SCHIP1: variants seen among roughly 807,000 people sequenced by gnomAD.
The protein encoded by SCHIP1 is schwannomin-interacting protein 1.
SCHIP1 carries 8 observed loss-of-function variants against 29.7 expected under a neutral mutation model. That is an observed-to-expected ratio of 0.27 (90% CI 0.16 to 0.49). The LOEUF (loss-of-function observed/expected upper bound fraction) is 0.49. SCHIP1 is among the 20% of genes least tolerant of loss of function. The pLI is 0.99. For synonymous variants in SCHIP1, 76 were observed against 94.9 expected, an observed-to-expected ratio of 0.80 and a Z score of 1.16; for missense variants, 193 against 294.6, an observed-to-expected ratio of 0.66 and a Z score of 2.52.
chr3:159,819,432 G>T, the SCHIP1 span, among the ~76,000 whole-genome samples: 1 of 152,102 alleles, frequency 6.6e-6, no homozygotes, highest in Non-Finnish European at 1.5e-5. Flanking sequence ...AGAATTTAGG[G>T]ACGTATTTTA....
the SCHIP1 span, among the ~76,000 whole-genome samples, chr3:159,484,544 C>A: frequency 2.0e-5 from 3 of 152,096 alleles, no homozygotes; most frequent in Admixed American, 2.0e-4. Context: ...CATTATGTGG[C>A]AGGAGAGGAC....
chr3:159,497,623 T>G, the SCHIP1 span, among the ~76,000 whole-genome samples: 1 of 149,794 alleles, frequency 6.7e-6, no homozygotes, highest in Non-Finnish European at 1.5e-5. Flanking sequence ...AGAAGATGAA[T>G]AAGAAGAACA....
chr3:159,423,648 G>A, the SCHIP1 span, among the ~76,000 whole-genome samples: 42 of 135,010 alleles, frequency 3.1e-4, no homozygotes, highest in Middle Eastern at 8.1e-3. Flanking sequence ...CAAACAAAAA[G>A]ACAGCAGTAA....
the SCHIP1 span, among the ~76,000 whole-genome samples, chr3:159,554,480 G>T: frequency 5.3e-5 from 8 of 152,102 alleles, no homozygotes; most frequent in Non-Finnish European, 1.2e-4. Flanking sequence ...TATTAACAAG[G>T]CTCCTTTGCC....
chr3:159,748,550 C>T, the SCHIP1 span, among the ~76,000 whole-genome samples: 1 of 152,224 alleles, frequency 6.6e-6, no homozygotes, highest in Admixed American at 6.5e-5. Context: ...CATGCCAACC[C>T]CTGCCACCCT....
the SCHIP1 span, among the ~76,000 whole-genome samples, chr3:159,802,960 A>G: frequency 6.6e-6 from 1 of 152,136 alleles, no homozygotes; most frequent in Admixed American, 6.5e-5. Flanking sequence ...AAGACCTGCT[A>G]TTGTGTTGTA....
chr3:159,709,455 A>G, the SCHIP1 span, among the ~76,000 whole-genome samples: 1 of 152,328 alleles, frequency 6.6e-6, no homozygotes, highest in Middle Eastern at 3.4e-3. Context: ...AAAAAAGGAA[A>G]AAAAGGTTAG....
the SCHIP1 span, among the ~76,000 whole-genome samples, chr3:159,299,930 G>T: frequency 6.6e-6 from 1 of 152,120 alleles, no homozygotes; most frequent in Admixed American, 6.6e-5. Context: ...AAATTGTCCT[G>T]TCTGGCTATG....
At chr3:159,299,930 G>C in the SCHIP1 span, among the ~76,000 whole-genome samples, 1,210 of 152,118 alleles carry the variant, frequency 8.0e-3, 12 homozygotes, top group African/African-American at 0.027. Context: ...AAATTGTCCT[G>C]TCTGGCTATG....
chr3:159,504,662 C>T, the SCHIP1 span, among the ~76,000 whole-genome samples: 913 of 152,042 alleles, frequency 6.0e-3, 9 homozygotes, highest in African/African-American at 0.021. Context: ...TTTTTTGTAC[C>T]CCTCCTCGCA....
At chr3:159,318,141 C>A in the SCHIP1 span, among the ~76,000 whole-genome samples, 1 of 152,304 alleles carries the variant, frequency 6.6e-6, no homozygotes, top group Non-Finnish European at 1.5e-5. Flanking sequence ...ACAGGAGTGG[C>A]TGTGGAAAGA....
the SCHIP1 span, among the ~76,000 whole-genome samples, chr3:159,759,223 C>T: frequency 6.6e-6 from 1 of 151,912 alleles, no homozygotes; most frequent in African/African-American, 2.4e-5. Flanking sequence ...TTTAGGTGTA[C>T]ATAGAATCCA....
chr3:159,626,952 T>A, the SCHIP1 span, among the ~76,000 whole-genome samples: 1 of 152,170 alleles, frequency 6.6e-6, no homozygotes, highest in Non-Finnish European at 1.5e-5. Flanking sequence ...GCCATGGTGG[T>A]TTGCTGCAGC....
chr3:159,273,733 C>G, the SCHIP1 span: 2 of 1,563,580 alleles, frequency 1.3e-6, no homozygotes, highest in East Asian at 2.4e-5. Context: ...ACTAGCTAAC[C>G]CAGGTGACCC....
the SCHIP1 span, among the ~76,000 whole-genome samples, chr3:159,552,277 C>G: frequency 6.6e-6 from 1 of 151,922 alleles, no homozygotes; most frequent in African/African-American, 2.4e-5. Flanking sequence ...AACTCCCAAC[C>G]CCAGGTGATC....
At chr3:159,604,526 A>G in the SCHIP1 span, among the ~76,000 whole-genome samples, 1 of 152,198 alleles carries the variant, frequency 6.6e-6, no homozygotes, top group African/African-American at 2.4e-5. Context: ...GGGGCTGGAA[A>G]TACTGAGATA....
the SCHIP1 span, among the ~76,000 whole-genome samples, chr3:159,757,079 A>G: frequency 5.9e-5 from 9 of 152,216 alleles, no homozygotes; most frequent in African/African-American, 2.2e-4. Flanking sequence ...CCCTAGTTCC[A>G]AAGTCCCTTC....
the SCHIP1 span, among the ~76,000 whole-genome samples, chr3:159,611,680 A>C: frequency 1.3e-5 from 2 of 152,200 alleles, no homozygotes; most frequent in Non-Finnish European, 2.9e-5. Context: ...CATGTATCCC[A>C]GAACTTAACA....
chr3:159,319,953 A>T, the SCHIP1 span, among the ~76,000 whole-genome samples: 7 of 152,208 alleles, frequency 4.6e-5, no homozygotes, highest in African/African-American at 1.7e-4. Context: ...GCTTGGTGCT[A>T]TGCTCAAAAC....
Sources: allele counts gnomAD v4.1 joint callset (sites outside exome capture counted in the v4.1 genomes callset), GRCh38; gene constraint gnomAD v4.1.1; transcripts MANE v1.5; gene names NCBI Gene and HGNC (gene_info 2026-07-23, HGNC 2026-07-21).